Variants in TFPI observed in about 807,000 individuals in gnomAD.
TFPI encodes the protein tissue factor pathway inhibitor, also known as anti-convertin.
In TFPI, 15 loss-of-function variants were observed where a neutral mutation model predicts 34.6. The ratio of observed to expected loss-of-function variants is 0.43; its 90% confidence interval spans 0.29 to 0.67. The LOEUF (loss-of-function observed/expected upper bound fraction) is 0.67, where lower values mean the gene tolerates loss of function less well. Ranked by LOEUF, TFPI falls within the 30% of genes least tolerant of loss-of-function variation. TFPI has a pLI of 0.15. For synonymous variants in TFPI, 105 were observed against 120.1 expected (o/e 0.87, Z 0.82); for missense variants, 301 against 364.0 (o/e 0.83, Z 1.41).
chr2:187,479,638 A>C (rs1168467637), intron 6 of TFPI, among the ~76,000 whole-genome samples: 1 of 147,454 alleles, frequency 6.8e-6, no homozygotes, highest in Non-Finnish European at 1.5e-5. Flanking sequence ...ATTTTTGTAG[A>C]GTCACCAAAA....
intron 1 of TFPI, 50 bp from the exon 2 acceptor site, chr2:187,503,820 C>T (rs763631631): frequency 6.3e-7 from 1 of 1,593,836 alleles, no homozygotes; most frequent in East Asian, 2.2e-5. Context: ...TTAATATGCA[C>T]TCATTTACAG....
chr2:187,468,032 G>T, intron 6 of TFPI, 100 bp from the exon 7 acceptor site: 1 of 984,566 alleles, frequency 1.0e-6, no homozygotes, highest in East Asian at 2.9e-5. Context: ...GCATGTGTAT[G>T]TAAAACAGTA....
rs192604593 is a variant in TFPI at position 187,554,285 on chromosome 2, A to G, written c.-88T>C. The G allele has an allele frequency of 5.9e-5, 9 of 152,326 alleles. No homozygotes were observed. The East Asian group carries it at 1.7e-3, about 29-fold the overall frequency. 9.4% of individuals were successfully genotyped at this position (152,326 alleles called of 1,614,324 possible). On this transcript the variant is annotated 5_prime_UTR_variant, in exon 1 of 8. Coordinates refer to ENST00000233156, the MANE Select transcript of TFPI (RefSeq NM_006287.6). ...TTGTTTTTCCTTCCAGGTATTGAAGACAGGATTTATCTTCTCTACTTCTTC... is the reference window on the plus strand; with the variant it reads ...TTGTTTTTCCTTCCAGGTATTGAAGGCAGGATTTATCTTCTCTACTTCTTC...
intron 1 of TFPI, among the ~76,000 whole-genome samples, chr2:187,509,406 C>T (rs982390960): frequency 7.9e-5 from 12 of 152,116 alleles, no homozygotes; most frequent in African/African-American, 2.9e-4. Context: ...TGGTAGAATT[C>T]GGCTGTGAAT....
intron 1 of TFPI, among the ~76,000 whole-genome samples, chr2:187,540,010 TGCCTCAA>T (rs1396238676): frequency 1.3e-5 from 2 of 151,594 alleles, no homozygotes; most frequent in Admixed American, 1.3e-4. Flanking sequence ...GCAGTTCTCC[TGCCTCAA>T]GCCTCAAGCT....
intron 1 of TFPI, chr2:187,513,967 C>T (rs187731043): frequency 6.6e-6 from 1 of 152,272 alleles, no homozygotes; most frequent in Non-Finnish European, 1.5e-5. Flanking sequence ...TCAGACTGGG[C>T]ATTAGTAAAT....
intron 1 of TFPI, among the ~76,000 whole-genome samples, chr2:187,548,757 A>C (rs372779525): frequency 3.3e-5 from 5 of 152,164 alleles, no homozygotes; most frequent in East Asian, 3.9e-4. Context: ...GCAAACTTTA[A>C]AAAGCCTTGA....
chr2:187,518,379 T>C (rs1423221706), intron 1 of TFPI: 1 of 152,220 alleles, frequency 6.6e-6, no homozygotes, highest in Non-Finnish European at 1.5e-5. Flanking sequence ...TAAAATATTT[T>C]ATTTCTCTTT....
chr2:187,536,866 T>C (rs1168439205), intron 1 of TFPI, among the ~76,000 whole-genome samples: 1 of 152,210 alleles, frequency 6.6e-6, no homozygotes, highest in Non-Finnish European at 1.5e-5. Context: ...CTCCTTAAGC[T>C]GAAAAGCAAC....
intron 1 of TFPI, among the ~76,000 whole-genome samples, chr2:187,539,457 TA>T (rs1430643652): frequency 3.3e-5 from 5 of 152,356 alleles, no homozygotes; most frequent in African/African-American, 1.2e-4. Flanking sequence ...AAAAACACAC[TA>T]ACCATCTATA....
intron 6 of TFPI, among the ~76,000 whole-genome samples, chr2:187,474,734 G>A (rs1355357028): frequency 6.6e-6 from 1 of 152,148 alleles, no homozygotes; most frequent in African/African-American, 2.4e-5. Flanking sequence ...TTCAGAAGAT[G>A]TAATACTTGT....
intron 1 of TFPI, chr2:187,547,440 A>T (rs181172160): frequency 8.5e-5 from 13 of 152,272 alleles, no homozygotes; most frequent in Admixed American, 8.5e-4. Flanking sequence ...AATGTGAAAA[A>T]GCTAAGAATT....
chr2:187,501,069 C>T (rs984273062), intron 2 of TFPI, among the ~76,000 whole-genome samples: 2 of 151,950 alleles, frequency 1.3e-5, no homozygotes, highest in African/African-American at 2.4e-5. Flanking sequence ...AAGGGGTCAG[C>T]GATAACTTTC....
intron 2 of TFPI, among the ~76,000 whole-genome samples, chr2:187,499,032 C>G (rs1286190583): frequency 1.3e-5 from 2 of 151,722 alleles, no homozygotes. Context: ...GTCACTAAAT[C>G]CAATAAATAT....
chr2:187,545,204 C>G (rs1688796784), intron 1 of TFPI, among the ~76,000 whole-genome samples: 1 of 152,064 alleles, frequency 6.6e-6, no homozygotes, highest in African/African-American at 2.4e-5. Flanking sequence ...GAAGTCTCTT[C>G]CAAGAATAAA....
intron 1 of TFPI, chr2:187,526,888 A>T (rs1482539804): frequency 1.3e-5 from 2 of 152,166 alleles, no homozygotes; most frequent in African/African-American, 2.4e-5. Flanking sequence ...AAAGAAAAAA[A>T]AATAAATTGA....
At chr2:187,478,768 C>T in intron 6 of TFPI, 2 of 1,613,746 alleles carry the variant, frequency 1.2e-6, no homozygotes, top group Non-Finnish European at 1.7e-6. Flanking sequence ...ATATGAGCCG[C>T]ATTCTTCCAA....
intron 3 of TFPI, among the ~76,000 whole-genome samples, chr2:187,494,629 T>G (rs956875703): frequency 6.6e-6 from 1 of 152,210 alleles, no homozygotes; most frequent in Non-Finnish European, 1.5e-5. Context: ...TTAGGTGCGT[T>G]TTTAAAAGTC....
chr2:187,537,796 C>T (rs897346573), intron 1 of TFPI, among the ~76,000 whole-genome samples: 8 of 152,144 alleles, frequency 5.3e-5, no homozygotes, highest in Non-Finnish European at 1.2e-4. Context: ...TCAGAGTGAA[C>T]AGGCAACCTA....
Sources: gnomAD v4.1 joint callset for allele counts (sites outside exome capture counted in the v4.1 genomes callset) on GRCh38, gnomAD v4.1.1 for gene constraint, MANE v1.5 for transcripts, NCBI Gene and HGNC (gene_info 2026-07-23, HGNC 2026-07-21) for gene names.